PARD3B: variants seen among roughly 807,000 people sequenced by gnomAD.
The protein encoded by PARD3B is partitioning defective 3 homolog B.
A neutral mutation model predicts 130.2 loss-of-function variants in PARD3B; 103 were observed. That is an observed-to-expected ratio of 0.79 (90% confidence interval 0.67 to 0.93). The LOEUF (loss-of-function observed/expected upper bound fraction) is 0.93, where lower values mean the gene tolerates loss of function less well. PARD3B is among the 40% of genes least tolerant of loss of function. PARD3B has a pLI of 0.00. For synonymous variants in PARD3B, 583 were observed against 553.2 expected, an observed-to-expected ratio of 1.05 and a Z score of -0.76; for missense variants, 1,609 against 1,499.2, an observed-to-expected ratio of 1.07 and a Z score of -1.21.
chr2:204,559,129 T>C (rs1370250714), intron 1 of PARD3B, among the ~76,000 whole-genome samples: 1 of 152,154 alleles, frequency 6.6e-6, no homozygotes, highest in Non-Finnish European at 1.5e-5. Context: ...GACATAGGCA[T>C]GGGCAAGGAC....
rs1559096596 is a variant in PARD3B, at chr2:205,440,655, A to T, written c.3027A>T (p.Pro1009=). 6.2e-7 allele frequency: 1 copy of T among 1,613,358 alleles called. No homozygotes were observed. The highest frequency in any genetic ancestry group is 1.7e-5 in the Admixed American group (1 of 60,014). Residue 1009 remains proline (P), a synonymous_variant, in exon 20 of 23, where the codon CCA becomes CCT. Coordinates refer to ENST00000406610, the MANE Select transcript of PARD3B (RefSeq NM_001302769.2). The surrounding 1 kb of genome is among the most constrained non-coding windows in gnomAD (Gnocchi z 4.2). ...LYAKVNKPYH[P]LVPADSGRPT... is the part of the protein sequence containing the mutation. ...CCAAGGTCAACAAGCCATACCATCC[A>T]CTGGTTCCAGCTGACAGGTAATAAA...
chr2:205,064,945 A>G (rs1419248328), intron 4 of PARD3B, among the ~76,000 whole-genome samples: 1 of 152,210 alleles, frequency 6.6e-6, no homozygotes, highest in Admixed American at 6.5e-5. Context: ...ATGGGGTTGC[A>G]GAAATGCTAA....
chr2:205,237,135 TGTC>T (rs756765808), intron 15 of PARD3B, among the ~76,000 whole-genome samples: 3 of 152,184 alleles, frequency 2.0e-5, no homozygotes, highest in African/African-American at 7.2e-5. Context: ...GTTTTGCCCT[TGTC>T]GTCCAGGCTA....
intron 16 of PARD3B, among the ~76,000 whole-genome samples, chr2:205,264,951 C>T (rs2040449398): frequency 6.6e-6 from 1 of 150,984 alleles, no homozygotes; most frequent in Non-Finnish European, 1.5e-5. Flanking sequence ...TTTATGTGAT[C>T]ATAAATCTTA....
At chr2:204,549,082 C>G (rs56086550) in intron 1 of PARD3B, among the ~76,000 whole-genome samples, 10,143 of 152,192 alleles carry the variant, frequency 0.067, 1,143 homozygotes, top group African/African-American at 0.23. Flanking sequence ...CAAAGAAAAC[C>G]TATTTGTGGA....
chr2:205,057,510 T>C (rs1274437244), intron 4 of PARD3B, among the ~76,000 whole-genome samples: 1 of 145,208 alleles, frequency 6.9e-6, no homozygotes, highest in Non-Finnish European at 1.5e-5. Context: ...TACATATATG[T>C]GTATGTGCAT....
intron 2 of PARD3B, among the ~76,000 whole-genome samples, chr2:204,862,299 C>T (rs1377902704): frequency 6.6e-6 from 1 of 152,196 alleles, no homozygotes; most frequent in Non-Finnish European, 1.5e-5. Context: ...CAAGTCACAT[C>T]ACTTTACCTC....
chr2:204,888,606 C>T (rs1687528883), intron 2 of PARD3B, among the ~76,000 whole-genome samples: 1 of 151,772 alleles, frequency 6.6e-6, no homozygotes, highest in Non-Finnish European at 1.5e-5. Context: ...TTGTGTGCTT[C>T]TGTAGTTCCA....
rs148087200 is a variant in PARD3B at position 204,800,129 on chromosome 2, A to G, written c.222+113847A>G. Among the ~76,000 whole-genome samples the G allele has an allele frequency of 2.3e-3, 349 of 152,342 alleles. 1 individual carries two copies. Among genetic ancestry groups the G allele is most frequent in the Middle Eastern group, 0.014 (4 of 294 alleles). On this transcript the variant is annotated intron_variant, in intron 2 of 22. Coordinates refer to ENST00000406610, the MANE Select transcript of PARD3B (RefSeq NM_001302769.2). ...CCGAGGAAGATCAGTGAAATTGAGG[A>G]TAGCACAGAGAAGGAATTCAGAATC...
chr2:205,350,148 T>C lies in PARD3B; in HGVS notation c.2630+48447T>C, dbSNP rs1393282684. 2.6e-5 allele frequency among the ~76,000 whole-genome samples: 4 copies of C among 152,090 alleles called. No homozygotes were observed. In the East Asian group the frequency reaches 7.7e-4, roughly 29 times the overall value. On this transcript the variant is annotated intron_variant, in intron 18 of 22. Coordinates refer to ENST00000406610, the MANE Select transcript of PARD3B (RefSeq NM_001302769.2). The stretch of plus-strand genomic sequence containing the variant: ...CTGGAGCAGCTTATAAAGATTGGGG[T>C]TTAGGTTAAAAGCACATCACAGGCA...
intron 2 of PARD3B, among the ~76,000 whole-genome samples, chr2:204,693,177 A>G (rs373939694): frequency 6.6e-6 from 1 of 152,182 alleles, no homozygotes; most frequent in South Asian, 2.1e-4. Flanking sequence ...GTTATTTAAT[A>G]AAGCCAATTT....
At position 205,301,492 on chromosome 2, in the gene PARD3B, T is replaced by G; in HGVS notation, c.2421T>G (p.Ser807=). Residue 807 remains serine, a synonymous_variant, in exon 18 of 23, where the codon TCT becomes TCG. Transcript: ENST00000406610. The surrounding 1 kb of genome is among the most constrained non-coding windows in gnomAD (Gnocchi z 5.2). ...ADGLSDKSSH[S]GQGALNCESA... ...GTCTGTCTGATAAGAGCTCTCACTC[T>G]GGCCAAGGAGCTCTGAATTGTGAGT... is the stretch of plus-strand genomic sequence containing the variant. The G allele has an allele frequency of 4.3e-6, 7 of 1,612,794 alleles. No homozygotes were observed. The highest frequency in any genetic ancestry group is 5.9e-6 in the Non-Finnish European group (7 of 1,179,708).
At chr2:204,874,651 C>G (rs997405285) in intron 2 of PARD3B, among the ~76,000 whole-genome samples, 1 of 152,026 alleles carries the variant, frequency 6.6e-6, no homozygotes, top group Non-Finnish European at 1.5e-5. Context: ...TGGGTTTTAA[C>G]AAATGTAGTC....
Position 205,078,073 on chromosome 2 carries a change from G to C in PARD3B, c.505-26353G>C, listed in dbSNP as rs1701184693. ...TGACTTCATTGTGATTTTAATCCCA[G>C]AGAGTCAGTTTATGTCTGTATAACA... On this transcript the variant is annotated intron_variant, in intron 4 of 22. Transcript: ENST00000406610. The surrounding 1 kb of genome is among the most constrained non-coding windows in gnomAD (Gnocchi z 4.0). Among the ~76,000 whole-genome samples, 1 of 152,176 alleles carries C rather than the reference G, an allele frequency of 6.6e-6. No individual in the cohort carries two copies. Among genetic ancestry groups the C allele is most frequent in the African/African-American group, 2.4e-5 (1 of 41,440 alleles).
chr2:204,854,944 G>A (rs1333144164), intron 2 of PARD3B, among the ~76,000 whole-genome samples: 1 of 152,084 alleles, frequency 6.6e-6, no homozygotes, highest in Admixed American at 6.6e-5. Context: ...GGGTCTCCAA[G>A]CAAAAAGGAC....
At chr2:205,555,497 G>A (rs1157649406) in intron 22 of PARD3B, among the ~76,000 whole-genome samples, 1 of 152,142 alleles carries the variant, frequency 6.6e-6, no homozygotes, top group Non-Finnish European at 1.5e-5. Context: ...CTCACTCATG[G>A]CTGACTCTAA....
chr2:204,670,396 A>C (rs1156868101), intron 1 of PARD3B, among the ~76,000 whole-genome samples: 1 of 152,024 alleles, frequency 6.6e-6, no homozygotes, highest in Non-Finnish European at 1.5e-5. Flanking sequence ...CCATGACAAA[A>C]ACAGTGGTCC....
chr2:205,226,720 C>A (rs1168891350), intron 15 of PARD3B, among the ~76,000 whole-genome samples: 1 of 152,152 alleles, frequency 6.6e-6, no homozygotes, highest in Non-Finnish European at 1.5e-5. Flanking sequence ...TAATCTATGA[C>A]TCTAGTTTTA....
chr2:205,020,172 C>T (rs1476314550), intron 3 of PARD3B, among the ~76,000 whole-genome samples: 1 of 152,138 alleles, frequency 6.6e-6, no homozygotes, highest in Non-Finnish European at 1.5e-5. Flanking sequence ...ATCCAAATCT[C>T]ATCCTTAAGA....
Sources: gnomAD v4.1 joint callset for allele counts (sites outside exome capture counted in the v4.1 genomes callset) on GRCh38, gnomAD v4.1.1 for gene constraint, Gnocchi (gnomAD v3.1) non-coding constraint, MANE v1.5 for transcripts, NCBI Gene and HGNC (gene_info 2026-07-23, HGNC 2026-07-21) for gene names.